C10orf143: variants seen among roughly 807,000 people sequenced by gnomAD.
C10orf143 encodes the protein chromosome 10 open reading frame 143.
intron 1 of C10orf143, among the ~76,000 whole-genome samples, chr10:130,096,443 A>G (rs529892164): frequency 1.8e-4 from 27 of 151,878 alleles, no homozygotes; most frequent in Admixed American, 1.7e-3. Context: ...ATTACTAGGT[A>G]TAAACCCAAA....
At chr10:130,106,078 C>G (rs55750020) in intron 1 of C10orf143, 1 of 600,438 alleles carries the variant, frequency 1.7e-6, no homozygotes, top group African/African-American at 1.8e-5. Context: ...CTCAGCGGTA[C>G]TTGGGGCTGG....
intron 1 of C10orf143, among the ~76,000 whole-genome samples, chr10:130,083,700 A>G (rs754949681): frequency 6.6e-6 from 1 of 152,212 alleles, no homozygotes; most frequent in Admixed American, 6.5e-5. Flanking sequence ...AAGAAAATGG[A>G]CACTATCTGC....
At chr10:130,107,752 C>A in intron 1 of C10orf143, 1 of 1,236,836 alleles carries the variant, frequency 8.1e-7, no homozygotes, top group Non-Finnish European at 1.2e-6. Context: ...ATCAGATTAC[C>A]AAGGAAAGAG....
At chr10:130,049,967 G>A (rs908712707) in intron 3 of C10orf143, among the ~76,000 whole-genome samples, 2 of 152,162 alleles carry the variant, frequency 1.3e-5, no homozygotes, top group East Asian at 1.9e-4. Context: ...TAAAACCATC[G>A]GTGATGAAAT....
chr10:130,048,201 CG>C (rs1036903201), intron 3 of C10orf143, among the ~76,000 whole-genome samples: 3 of 152,282 alleles, frequency 2.0e-5, no homozygotes, highest in African/African-American at 2.4e-5. Context: ...GGATATATGA[CG>C]GCTGTCTGGG....
intron 1 of C10orf143, among the ~76,000 whole-genome samples, chr10:130,081,069 A>G (rs2134770463): frequency 6.6e-6 from 1 of 152,340 alleles, no homozygotes; most frequent in Non-Finnish European, 1.5e-5. Flanking sequence ...CCAAAATTTT[A>G]AAAGAACAAG....
intron 1 of C10orf143, among the ~76,000 whole-genome samples, chr10:130,082,399 G>A (rs1861223988): frequency 6.6e-6 from 1 of 152,128 alleles, no homozygotes; most frequent in Admixed American, 6.6e-5. Flanking sequence ...CCATGACATG[G>A]TTTGGCTGTG....
chr10:130,097,224 G>C (rs1861476588), intron 1 of C10orf143, among the ~76,000 whole-genome samples: 1 of 151,924 alleles, frequency 6.6e-6, no homozygotes, highest in Non-Finnish European at 1.5e-5. Context: ...ATATATGAAA[G>C]GTCAGTAAGT....
At chr10:130,107,450 GA>G in intron 1 of C10orf143, 1 of 1,399,044 alleles carries the variant, frequency 7.1e-7, no homozygotes, top group South Asian at 1.2e-5. Context: ...TTGGGCTGCT[GA>G]AAGAAACCTC....
At position 130,107,996 on chromosome 10, in the gene C10orf143, G is replaced by A. The variant is rs138270696; in HGVS notation, c.69+2708C>T. The A allele has an allele frequency of 2.0e-4, 311 of 1,523,540 alleles. No individual in the cohort carries two copies. The African/African-American group carries it at 3.7e-3, about 18-fold the overall frequency. The allele number at this position is 1,523,540 out of a possible 1,614,324, so 94.4% of individuals were successfully genotyped here. A position where few individuals can be genotyped will look rare whatever the true frequency, so the allele number is the denominator to read the frequency against. Reference sequence around the variant, plus strand: ...TATGCCTCCTTTGGATAAAATGGATGGGTCAATGCCTTCAGAAATGGAATC... The same window carrying A: ...TATGCCTCCTTTGGATAAAATGGATAGGTCAATGCCTTCAGAAATGGAATC... On this transcript the variant is annotated intron_variant, in intron 1 of 3. Coordinates refer to ENST00000637128, the MANE Select transcript of C10orf143 (RefSeq NM_001355042.2).
rs941838317 is a variant in C10orf143 at position 130,110,692 on chromosome 10, C to T, written c.69+12G>A. On this transcript the variant is annotated intron_variant, in intron 1 of 3. Coordinates refer to ENST00000637128, the MANE Select transcript of C10orf143 (RefSeq NM_001355042.2). ...CCCTCCCGTCCCTAACGCCCAGGCC[C>T]CGGGGGCTCACCACGTCCCCCGGAA... 5.0e-6 allele frequency: 2 copies of T among 398,812 alleles called. No homozygotes were observed. The highest frequency in any genetic ancestry group is 8.8e-5 in the Admixed American group (2 of 22,740). 24.7% of individuals were successfully genotyped at this position (398,812 alleles called of 1,614,324 possible). A position where few individuals can be genotyped will look rare whatever the true frequency, so the allele number is the denominator to read the frequency against.
chr10:130,099,382 G>A (rs1031352070), intron 1 of C10orf143, among the ~76,000 whole-genome samples: 1 of 152,170 alleles, frequency 6.6e-6, no homozygotes, highest in African/African-American at 2.4e-5. Flanking sequence ...GCTTCTGTCA[G>A]GGGCTGCATC....
chr10:130,061,062 A>T (rs977888993), downstream of C10orf143, among the ~76,000 whole-genome samples: 2 of 151,690 alleles, frequency 1.3e-5, no homozygotes, highest in Admixed American at 6.6e-5. Flanking sequence ...TCTGGGCCCG[A>T]GGAAGTCAAG....
chr10:130,099,479 A>C (rs601230), intron 1 of C10orf143, among the ~76,000 whole-genome samples: 1 of 151,886 alleles, frequency 6.6e-6, no homozygotes, highest in Admixed American at 6.6e-5. Context: ...GGTAAAACAA[A>C]GATATTTAAC....
At position 130,080,948 on chromosome 10, in the gene C10orf143, G is replaced by GA. The variant is rs1267516820; in HGVS notation, c.70-1048dup. 3.9e-5 allele frequency among the ~76,000 whole-genome samples: 6 copies of GA among 152,230 alleles called. No individual in the cohort carries two copies. In the East Asian group the frequency reaches 9.6e-4, roughly 24 times the overall value. On this transcript the variant is annotated intron_variant, in intron 1 of 3. Coordinates refer to ENST00000637128, the MANE Select transcript of C10orf143 (RefSeq NM_001355042.2). Reference sequence around the variant, plus strand: ...CAATAGGTGAGTATTAACTGATGCTGAAAAAACTGAGAATCAGACAATAAA... The same window carrying GA: ...CAATAGGTGAGTATTAACTGATGCTGAAAAAAACTGAGAATCAGACAATAAA...
intron 3 of C10orf143, among the ~76,000 whole-genome samples, chr10:130,076,151 G>A (rs566695941): frequency 5.3e-5 from 8 of 152,012 alleles, no homozygotes; most frequent in South Asian, 2.1e-4. Context: ...TCTTTATAGC[G>A]ATGTGAAAAT....
At chr10:130,077,923 G>A (rs562768299) in intron 3 of C10orf143, among the ~76,000 whole-genome samples, 3 of 152,180 alleles carry the variant, frequency 2.0e-5, no homozygotes, top group Admixed American at 1.3e-4. Context: ...ATATTAAAAC[G>A]CCCAAGCCTG....
chr10:130,076,360 C>G lies in C10orf143; in HGVS notation c.297+3206G>C, dbSNP rs115202462. On this transcript the variant is annotated intron_variant, in intron 3 of 3. Transcript: ENST00000637128. ...ACCAATGCCTCACGTTGGCTGGATT[C>G]TCCCAGAAGTCAGAAGCAAAGGAGT... Among the ~76,000 whole-genome samples the G allele has an allele frequency of 3.3e-3, 506 of 152,310 alleles. 6 individuals carry two copies. The highest frequency in any genetic ancestry group is 0.012 in the African/African-American group (479 of 41,574).
chr10:130,045,741 CGCGGGCGGG>C (rs1564952207), intron 3 of C10orf143, among the ~76,000 whole-genome samples: 7 of 152,206 alleles, frequency 4.6e-5, no homozygotes, highest in African/African-American at 1.4e-4. Context: ...CGTCCCGCCA[CGCGGGCGGG>C]AAAACGTGGA....
Sources: allele counts gnomAD v4.1 joint callset (sites outside exome capture counted in the v4.1 genomes callset), GRCh38; gene constraint gnomAD v4.1.1; transcripts MANE v1.5; gene names NCBI Gene and HGNC (gene_info 2026-07-23, HGNC 2026-07-21).